The following LNX1 variants were observed in gnomAD, a reference collection of about 807,000 sequenced individuals.
LNX1 encodes the protein E3 ubiquitin-protein ligase LNX.
Under a neutral mutation model 68.4 loss-of-function variants are expected in LNX1, and 54 were observed. The ratio of observed to expected loss-of-function variants is 0.79; its 90% CI spans 0.63 to 0.99. The LOEUF is 0.99. Among genes scored for constraint, LNX1 ranks in the 50% least tolerant of loss-of-function variants. The pLI is 0.00. For synonymous variants in LNX1, 336 were observed against 350.0 expected (o/e 0.96, Z 0.45); for missense variants, 906 against 926.4 (o/e 0.98, Z 0.29).
At chr4:53,646,514 A>G (rs759917690) in intron 1 of LNX1, among the ~76,000 whole-genome samples, 21 of 152,240 alleles carry the variant, frequency 1.4e-4, no homozygotes, top group Non-Finnish European at 2.2e-4. Context: ...AGCATCCAGA[A>G]CAGTGCCTGG....
At chr4:53,466,314 C>A (rs1463329999) in intron 9 of LNX1, among the ~76,000 whole-genome samples, 2 of 152,136 alleles carry the variant, frequency 1.3e-5, no homozygotes, top group Non-Finnish European at 2.9e-5. Flanking sequence ...ATACTTAAAG[C>A]AGCTTTGATT....
chr4:53,478,508 C>T (rs564406552), intron 8 of LNX1, 57 bp downstream of exon 8: 187 of 1,459,300 alleles, frequency 1.3e-4, no homozygotes, highest in Non-Finnish European at 1.6e-4. Flanking sequence ...TAACAAGCTA[C>T]TAATTTCTCT....
chr4:53,600,224 C>A (rs1301404740), intron 2 of LNX1, among the ~76,000 whole-genome samples: 2 of 152,130 alleles, frequency 1.3e-5, no homozygotes, highest in East Asian at 1.9e-4. Context: ...CCTCTAAGAG[C>A]CCAAATTCTT....
At chr4:53,592,589 T>A (rs970474349), upstream of LNX1, among the ~76,000 whole-genome samples, 5 of 152,192 alleles carry the variant, frequency 3.3e-5, no homozygotes, top group African/African-American at 7.2e-5. Flanking sequence ...CAGAGAGAAT[T>A]TTTTTTCCCC....
chr4:53,541,564 A>G (rs1728767570), intron 2 of LNX1, among the ~76,000 whole-genome samples: 1 of 152,186 alleles, frequency 6.6e-6, no homozygotes, highest in African/African-American at 2.4e-5. Context: ...GCAGGGATCT[A>G]TTCAGTTGTG....
At chr4:53,619,750 A>T (rs1391806164), upstream of LNX1, among the ~76,000 whole-genome samples, 1 of 152,182 alleles carries the variant, frequency 6.6e-6, no homozygotes, top group Non-Finnish European at 1.5e-5. Flanking sequence ...GCTGGGTTAC[A>T]TGGTAATTCT....
chr4:53,594,695 T>A (rs556355049), upstream of LNX1, among the ~76,000 whole-genome samples: 13 of 151,984 alleles, frequency 8.6e-5, no homozygotes, highest in African/African-American at 3.1e-4. Flanking sequence ...CTTTCTTACT[T>A]TCTTTTCTTT....
intron 2 of LNX1, among the ~76,000 whole-genome samples, chr4:53,615,937 A>T (rs1475920809): frequency 6.6e-6 from 1 of 152,154 alleles, no homozygotes; most frequent in East Asian, 1.9e-4. Context: ...GTTATTTTAA[A>T]ATGTACAATT....
intron 2 of LNX1, among the ~76,000 whole-genome samples, chr4:53,519,659 T>TGACACACTCC (rs1156611026): frequency 1.3e-5 from 2 of 151,854 alleles, no homozygotes; most frequent in Admixed American, 1.3e-4. Context: ...TCAAGGTATC[T>TGACACACTCC]GACACACACA....
At chr4:53,566,015 C>T (rs1171470762) in intron 2 of LNX1, among the ~76,000 whole-genome samples, 3 of 151,668 alleles carry the variant, frequency 2.0e-5, no homozygotes, top group Non-Finnish European at 4.4e-5. Flanking sequence ...ACCAAATCTA[C>T]GTCTGATTGG....
intron 2 of LNX1, among the ~76,000 whole-genome samples, chr4:53,568,708 A>C (rs947176532): frequency 1.3e-5 from 2 of 150,062 alleles, no homozygotes; most frequent in Admixed American, 1.3e-4. Flanking sequence ...ATTAGGAAAA[A>C]AGGAAGTCAA....
chr4:53,588,743 C>G (rs1398335062), intron 1 of LNX1, among the ~76,000 whole-genome samples: 1 of 152,130 alleles, frequency 6.6e-6, no homozygotes, highest in African/African-American at 2.4e-5. Context: ...TCCCTTAGGG[C>G]TCCGTAGGCA....
chr4:53,631,111 G>A (rs1734253398), intron 1 of LNX1, among the ~76,000 whole-genome samples: 1 of 152,164 alleles, frequency 6.6e-6, no homozygotes, highest in Non-Finnish European at 1.5e-5. Flanking sequence ...GGATAGAGGA[G>A]GAGGAAGTCG....
intron 6 of LNX1, among the ~76,000 whole-genome samples, chr4:53,483,799 T>C (rs1271291195): frequency 6.6e-6 from 1 of 152,206 alleles, no homozygotes; most frequent in African/African-American, 2.4e-5. Context: ...AGAAAGGTCA[T>C]GAAATGAGGG....
chr4:53,547,842 A>T (rs1021608605), intron 2 of LNX1, among the ~76,000 whole-genome samples: 12 of 152,110 alleles, frequency 7.9e-5, no homozygotes, highest in African/African-American at 2.7e-4. Context: ...GCTCCCATGG[A>T]GGGGGATGAT....
At chr4:53,491,286 A>C (rs77169843) in intron 6 of LNX1, among the ~76,000 whole-genome samples, 2 of 134,356 alleles carry the variant, frequency 1.5e-5, no homozygotes, top group South Asian at 5.4e-4. Context: ...AAAAAAAAAA[A>C]ATCTTGCTAA....
chr4:53,539,616 A>G (rs1728613074), intron 2 of LNX1, among the ~76,000 whole-genome samples: 1 of 152,256 alleles, frequency 6.6e-6, no homozygotes, highest in Admixed American at 6.5e-5. Flanking sequence ...TTTCTCTAGT[A>G]TAATGTGAGC....
intron 6 of LNX1, among the ~76,000 whole-genome samples, chr4:53,487,365 G>A (rs1171004792): frequency 6.6e-6 from 1 of 152,212 alleles, no homozygotes; most frequent in Admixed American, 6.5e-5. Context: ...TAAGCCAAAT[G>A]CATGATAACA....
intron 2 of LNX1, among the ~76,000 whole-genome samples, chr4:53,601,492 T>C (rs1733013941): frequency 1.3e-5 from 2 of 152,178 alleles, no homozygotes. Flanking sequence ...TCCTTCTAAG[T>C]GATTAGGCTG....
Sources: allele counts gnomAD v4.1 joint callset (sites outside exome capture counted in the v4.1 genomes callset), GRCh38; gene constraint gnomAD v4.1.1; transcripts MANE v1.5; gene names NCBI Gene and HGNC (gene_info 2026-07-23, HGNC 2026-07-21).